Variants in FANCD2 observed in about 807,000 individuals in gnomAD.
FANCD2 encodes FA complementation group D2.
A neutral mutation model predicts 192.3 loss-of-function variants in FANCD2; 131 were observed. The observed-to-expected ratio is 0.68, with a 90% CI of 0.59 to 0.79. The LOEUF (loss-of-function observed/expected upper bound fraction) is 0.79. FANCD2 is among the 30% of genes least tolerant of loss of function. The pLI is 0.00. For synonymous variants in FANCD2, 524 were observed against 612.5 expected (o/e 0.86, Z 2.13); for missense variants, 1,508 against 1,701.6 (o/e 0.89, Z 2.00).
In FANCD2 at chr3:10,042,986, G is replaced by A. The variant is rs960451288; in HGVS notation, c.889-64G>A. On this transcript the variant is annotated intron_variant, in intron 11 of 43. Coordinates refer to ENST00000675286, the MANE Select transcript of FANCD2 (RefSeq NM_001018115.3). ...TTTCAGGAGATTGTCATGGTAGAGA[G>A]ACTGGACTGTGCCTACCCACTATGA... The A allele has an allele frequency of 3.7e-6, 5 of 1,356,840 alleles. No individual in the cohort carries two copies. In the African/African-American group the frequency reaches 5.7e-5, roughly 16 times the overall value. The allele number at this position is 1,356,840 out of a possible 1,614,324, so 84.1% of individuals were successfully genotyped here. A position where few individuals can be genotyped will look rare whatever the true frequency, so the allele number is the denominator to read the frequency against.
intron 36 of FANCD2, among the ~76,000 whole-genome samples, chr3:10,089,519 G>T (rs1012599854): frequency 2.6e-5 from 4 of 152,066 alleles, no homozygotes; most frequent in African/African-American, 7.2e-5. Context: ...ACCCAGGCTG[G>T]AGTGCAGTGG....
Position 10,064,831 on chromosome 3 carries a change from TG to T in FANCD2, c.2125del (p.Ala709GlnfsTer7). The T allele has an allele frequency of 6.2e-7, 1 of 1,613,806 alleles. No individual in the cohort carries two copies. The highest frequency in any genetic ancestry group is 1.1e-5 in the South Asian group (1 of 91,080). ...LLPLLFSQDF[A>X]KDGGPVTSQE... ...TGCCGCTGCTGTTTTCTCAGGACTT[TG>T]CAAAAGATGGGGGTCCGGTGACCTC... On this transcript the variant is annotated frameshift_variant, in exon 23 of 44. Coordinates refer to ENST00000675286, the MANE Select transcript of FANCD2 (RefSeq NM_001018115.3). LOFTEE classifies it high-confidence loss of function.
At chr3:10,070,341 C>G (rs936441989) in intron 26 of FANCD2, among the ~76,000 whole-genome samples, 25 of 146,032 alleles carry the variant, frequency 1.7e-4, no homozygotes, top group African/African-American at 5.3e-4. Context: ...GGGGGTCAGG[C>G]CCCGCCAGGC....
At chr3:10,058,350 C>T (rs2125024081) in intron 18 of FANCD2, 1 of 153,170 alleles carries the variant, frequency 6.5e-6, no homozygotes, top group South Asian at 2.1e-4. Flanking sequence ...GTACGACCCA[C>T]TCTCTATCAA....
chr3:10,037,668 C>G (rs1172918801), intron 7 of FANCD2: 1 of 152,006 alleles, frequency 6.6e-6, no homozygotes, highest in Non-Finnish European at 1.5e-5. Context: ...AAAGATTACT[C>G]TTTAAAATAA....
Position 10,096,329 on chromosome 3 carries a change from C to G in FANCD2, c.4042C>G (p.His1348Asp). The change falls in exon 42 of 44, where the codon CAC (histidine) becomes GAC (aspartate). Residue 1348 changes from histidine (H) to aspartate (D), a missense_variant. His to Asp is a moderately conservative substitution (Grantham distance 81). Around this residue, in one of 5 missense-constraint regions of FANCD2, gnomAD observed 796 missense variants for 879.4 expected, o/e 0.91. Coordinates refer to ENST00000675286, the MANE Select transcript of FANCD2 (RefSeq NM_001018115.3). ...LHHLCGHSKI[H>D]QDTRLTQHVP... The stretch of plus-strand genomic sequence containing the variant: ...GATGTTATTTATTTCCATTCAGATT[C>G]ACCAGGACACGAGACTCACCCAACA... The G allele has an allele frequency of 6.2e-7, 1 of 1,614,008 alleles. No individual in the cohort carries two copies. The highest frequency in any genetic ancestry group is 8.5e-7 in the Non-Finnish European group (1 of 1,179,934).
At chr3:10,034,206 C>A (rs548481168) in intron 3 of FANCD2, among the ~76,000 whole-genome samples, 1 of 138,824 alleles carries the variant, frequency 7.2e-6, no homozygotes, top group South Asian at 2.2e-4. Context: ...TGTCTGTAGT[C>A]CCAGCTACTT....
rs1386111611 is a variant in FANCD2 at position 10,092,240 on chromosome 3, C to T, written c.3837C>T (p.Ile1279=). ...NMAVRDFSIL[I]NLIKVFDSHP... ...CTGTTCGAGACTTCAGTATCCTCAT[C>T]AACTTGATAAAGGTGAGTATGGAGA... Residue 1279 remains isoleucine (I), a synonymous_variant, in exon 38 of 44, where the codon ATC becomes ATT. Transcript: ENST00000675286. 1 of 1,612,684 alleles carries T rather than the reference C, an allele frequency of 6.2e-7. No individual in the cohort carries two copies. Among genetic ancestry groups the T allele is most frequent in the Admixed American group, 1.7e-5 (1 of 60,012 alleles).
chr3:10,036,739 A>G (rs902444949), intron 7 of FANCD2, among the ~76,000 whole-genome samples: 2 of 152,018 alleles, frequency 1.3e-5, no homozygotes, highest in African/African-American at 2.4e-5. Context: ...TCCCTAGTAG[A>G]AGGATACACA....
At chr3:10,045,073 C>T (rs1344907086) in intron 14 of FANCD2, among the ~76,000 whole-genome samples, 6 of 128,680 alleles carry the variant, frequency 4.7e-5, no homozygotes, top group South Asian at 4.6e-4. Flanking sequence ...GTTTGTCCTG[C>T]TTGCCTTTTT....
intron 18 of FANCD2, among the ~76,000 whole-genome samples, chr3:10,057,657 C>G (rs369870102): frequency 2.6e-5 from 4 of 152,070 alleles, no homozygotes; most frequent in East Asian, 3.9e-4. Flanking sequence ...GCTACTGCTC[C>G]CGGCCTCCAT....
chr3:10,060,457 T>G, intron 19 of FANCD2, 54 bp downstream of exon 19: 1 of 1,290,164 alleles, frequency 7.8e-7, no homozygotes, highest in South Asian at 1.2e-5. Flanking sequence ...TCTTGCTAAC[T>G]AAGTGTTACA....
chr3:10,029,053 T>C (rs1490095211), intron 2 of FANCD2, among the ~76,000 whole-genome samples: 1 of 152,122 alleles, frequency 6.6e-6, no homozygotes. Flanking sequence ...TCTTTCTTCC[T>C]CTCTTGGAAA....
chr3:10,033,064 A>G lies in FANCD2; in HGVS notation c.205+92A>G, dbSNP rs922819605. On this transcript the variant is annotated intron_variant, in intron 3 of 43. Coordinates refer to ENST00000675286, the MANE Select transcript of FANCD2 (RefSeq NM_001018115.3). ...TCTAAATAGAGAGGCAATGAAGATT[A>G]GAAATCAGAGGGCCATCCATCTTGA... 31 of 1,064,048 alleles carry G rather than the reference A, an allele frequency of 2.9e-5. 2 individuals carry two copies. The Admixed American group carries it at 3.3e-4, about 11-fold the overall frequency. The allele number at this position is 1,064,048 out of a possible 1,614,324, so 65.9% of individuals were successfully genotyped here. A position where few individuals can be genotyped will look rare whatever the true frequency, so the allele number is the denominator to read the frequency against.
At chr3:10,068,761 G>A (rs2087788526) in intron 26 of FANCD2, among the ~76,000 whole-genome samples, 1 of 151,858 alleles carries the variant, frequency 6.6e-6, no homozygotes, top group African/African-American at 2.4e-5. Context: ...CAGAGCTATA[G>A]TAACCAAAAC....
intron 33 of FANCD2, 122 bp downstream of exon 33, chr3:10,086,044 A>G: frequency 1.4e-6 from 1 of 720,988 alleles, no homozygotes; most frequent in South Asian, 1.4e-5. Flanking sequence ...ATTTTCAGCT[A>G]CTCTCCTCAT....
intron 9 of FANCD2, 178 bp from the exon 10 acceptor site, chr3:10,041,445 C>T: frequency 3.6e-6 from 2 of 554,826 alleles, no homozygotes; most frequent in South Asian, 2.0e-5. Context: ...TTATAATGAG[C>T]ATGTATTATT....
chr3:10,070,503 T>TG (rs1164780684), intron 26 of FANCD2, among the ~76,000 whole-genome samples: 6 of 58,124 alleles, frequency 1.0e-4, no homozygotes, highest in East Asian at 4.8e-4. Context: ...GGGAGGGAGG[T>TG]GGGGGGGGTC....
chr3:10,043,943 T>G, intron 14 of FANCD2, 79 bp downstream of exon 14: 1 of 1,184,496 alleles, frequency 8.4e-7, no homozygotes, highest in Admixed American at 1.8e-5. Flanking sequence ...TCCCACTGTC[T>G]TTCTTTCTCC....
Sources: allele counts gnomAD v4.1 joint callset (sites outside exome capture counted in the v4.1 genomes callset), GRCh38; gene constraint gnomAD v4.1.1; regional missense constraint gnomAD v4.1.1; transcripts MANE v1.5; gene names NCBI Gene and HGNC (gene_info 2026-07-23, HGNC 2026-07-21).